Variants in POTEI observed in about 807,000 individuals in gnomAD.
POTEI encodes POTE ankyrin domain family member I, also known as POTE ankyrin domain family, member I.
Under a neutral mutation model 43.4 loss-of-function variants are expected in POTEI, and 14 were observed. The ratio of observed to expected loss-of-function variants is 0.32; its 90% confidence interval spans 0.21 to 0.50. POTEI has a LOEUF of 0.50. Ranked by LOEUF, POTEI falls within the 20% of genes least tolerant of loss-of-function variation. POTEI has a pLI of 0.98. For synonymous variants in POTEI, 95 were observed against 297.9 expected (o/e 0.32, Z 7.01); for missense variants, 235 against 795.4 (o/e 0.30, Z 8.47).
At chr2:130,468,696 A>C (rs1186056701) in intron 13 of POTEI, among the ~76,000 whole-genome samples, 1 of 118,110 alleles carries the variant, frequency 8.5e-6, no homozygotes, top group Admixed American at 7.8e-5. Context: ...ACACAAAGCC[A>C]AACTATTGGG....
intron 10 of POTEI, among the ~76,000 whole-genome samples, chr2:130,478,618 C>A (rs981021767): frequency 2.3e-5 from 3 of 131,794 alleles, no homozygotes; most frequent in Non-Finnish European, 4.6e-5. Flanking sequence ...GACATGAAGC[C>A]AAGCAGGGCA....
rs1682629112 is a variant in POTEI, at chr2:130,461,367, G to T, written c.*1449C>A. The T allele has an allele frequency of 6.6e-6, 1 of 152,004 alleles. No individual in the cohort carries two copies. Among genetic ancestry groups the T allele is most frequent in the African/African-American group, 2.4e-5 (1 of 41,294 alleles). 9.4% of individuals were successfully genotyped at this position (152,004 alleles called of 1,614,324 possible). A position where few individuals can be genotyped will look rare whatever the true frequency, so the allele number is the denominator to read the frequency against. On this transcript the variant is annotated 3_prime_UTR_variant, in exon 15 of 15. Coordinates refer to ENST00000451531, the MANE Select transcript of POTEI (RefSeq NM_001277406.2). ...TCAGGGAGGCCTGAGACCTCTGTCG[G>T]CCAGAGAACAGCAGTCAAGGTAGCC...
chr2:130,477,928 C>T (rs1397950571), intron 10 of POTEI, among the ~76,000 whole-genome samples: 1 of 119,200 alleles, frequency 8.4e-6, no homozygotes, highest in Non-Finnish European at 1.7e-5. Context: ...TAGGGCATTG[C>T]CAGCAGCTCA....
chr2:130,486,890 C>T (rs1342801373), intron 9 of POTEI, among the ~76,000 whole-genome samples: 1 of 127,120 alleles, frequency 7.9e-6, no homozygotes, highest in Non-Finnish European at 1.7e-5. Context: ...AAAAGTTTTA[C>T]CCAATATACT....
At position 130,460,348 on chromosome 2, in the gene POTEI, C is replaced by CT. The variant is rs1484009353; in HGVS notation, c.*2467dup. On this transcript the variant is annotated 3_prime_UTR_variant, in exon 15 of 15. Transcript: ENST00000451531. Reference sequence around the variant, plus strand: ...GCTCTACACAAACGTGGCTAGACTTCTTTTATTAAGCAAGTCTCCTTTTTT... The same window carrying CT: ...GCTCTACACAAACGTGGCTAGACTTCTTTTTATTAAGCAAGTCTCCTTTTTT... The CT allele has an allele frequency of 6.6e-6, 1 of 152,054 alleles. No individual in the cohort carries two copies. Among genetic ancestry groups the CT allele is most frequent in the African/African-American group, 2.4e-5 (1 of 41,342 alleles). The allele number at this position is 152,054 out of a possible 1,614,324, so 9.4% of individuals were successfully genotyped here. A position where few individuals can be genotyped will look rare whatever the true frequency, so the allele number is the denominator to read the frequency against.
intron 6 of POTEI, among the ~76,000 whole-genome samples, chr2:130,492,945 C>G (rs1454249202): frequency 1.3e-5 from 2 of 151,650 alleles, no homozygotes; most frequent in Non-Finnish European, 2.9e-5. Context: ...CTGGTACTCA[C>G]TCTCAAGTTT....
chr2:130,507,310 AT>A, intron 1 of POTEI, among the ~76,000 whole-genome samples: 1 of 8,466 alleles, frequency 1.2e-4, no homozygotes, highest in South Asian at 0.025. Flanking sequence ...ATATATATAT[AT>A]ATATATACAC....
intron 13 of POTEI, 40 bp downstream of exon 13, chr2:130,474,337 AG>A: frequency 2.0e-6 from 1 of 492,180 alleles, no homozygotes; most frequent in Non-Finnish European, 3.5e-6. Context: ...TTAGTTTGAC[AG>A]CACAAAGTTA....
intron 14 of POTEI, among the ~76,000 whole-genome samples, chr2:130,464,447 A>T (rs1682773770): frequency 9.5e-6 from 1 of 105,016 alleles, no homozygotes; most frequent in Non-Finnish European, 2.0e-5. Context: ...TAAGAATCCC[A>T]GAATTAAAAA....
At chr2:130,507,414 A>G (rs1180760583) in intron 1 of POTEI, among the ~76,000 whole-genome samples, 17 of 1,408 alleles carry the variant, frequency 0.012, no homozygotes, top group Admixed American at 0.065. Context: ...GTGTATATAT[A>G]TGTATATATA....
At chr2:130,477,386 G>C (rs1360518394) in intron 10 of POTEI, among the ~76,000 whole-genome samples, 5 of 148,338 alleles carry the variant, frequency 3.4e-5, no homozygotes, top group Non-Finnish European at 5.9e-5. Context: ...TCCTGACCTC[G>C]TGATCCCCTC....
rs1684277593 is a variant in POTEI, at chr2:130,509,320, GT to G, written c.-86del. ...TTCACCAACTAGCAGGTAACTCCGG[GT>G]TTCCAATCTGTTTGAAGAGAAAAGT... On this transcript the variant is annotated 5_prime_UTR_variant, in exon 1 of 15. Transcript: ENST00000451531. The G allele has an allele frequency of 3.2e-6, 2 of 626,468 alleles. No individual in the cohort carries two copies. The highest frequency in any genetic ancestry group is 6.2e-5 in the African/African-American group (2 of 32,236). The allele number at this position is 626,468 out of a possible 1,614,324, so 38.8% of individuals were successfully genotyped here.
At chr2:130,485,128 G>A (rs1683553096) in intron 9 of POTEI, among the ~76,000 whole-genome samples, 2 of 151,894 alleles carry the variant, frequency 1.3e-5, no homozygotes, top group African/African-American at 4.8e-5. Context: ...CAAGTAGGCA[G>A]GCTGATATAG....
Position 130,508,959 on chromosome 2 carries a change from TC to T in POTEI, c.276del (p.Thr93ArgfsTer65). The T allele has an allele frequency of 1.3e-6, 2 of 1,588,260 alleles. No individual in the cohort carries two copies. The highest frequency in any genetic ancestry group is 1.7e-6 in the Non-Finnish European group (2 of 1,169,942). On this transcript the variant is annotated frameshift_variant, in exon 1 of 15. Coordinates refer to ENST00000451531, the MANE Select transcript of POTEI (RefSeq NM_001277406.2). LOFTEE classifies it high-confidence loss of function. ...CACTTGCCCATCTTGCTCCTGAGCG[TC>T]TTCATAGCGGAGTCGTCGTGGTCTC... ...TSGDHDDSAMKTLRSKMGKWC... is the reference protein window; with the variant it reads ...TSGDHDDSAMXTLRSKMGKWC...
chr2:130,507,384 A>ATATATGTATATATG (rs1684213101), intron 1 of POTEI, among the ~76,000 whole-genome samples: 1 of 1,572 alleles, frequency 6.4e-4, no homozygotes, highest in African/African-American at 7.6e-4. Flanking sequence ...ATATATACAT[A>ATATATGTATATATG]TGTATATATA....
intron 14 of POTEI, among the ~76,000 whole-genome samples, chr2:130,464,940 C>T (rs1483482685): frequency 1.1e-4 from 17 of 151,184 alleles, no homozygotes; most frequent in African/African-American, 3.4e-4. Flanking sequence ...CAAAAGAAAC[C>T]TTTTGTTTCA....
chr2:130,480,387 C>T (rs1393107907), intron 10 of POTEI, among the ~76,000 whole-genome samples: 1 of 150,806 alleles, frequency 6.6e-6, no homozygotes, highest in African/African-American at 2.4e-5. Context: ...GTATCTCACA[C>T]TTTTGGTAAT....
chr2:130,492,994 T>C (rs1450763560), intron 6 of POTEI, among the ~76,000 whole-genome samples: 1 of 149,764 alleles, frequency 6.7e-6, no homozygotes, highest in Non-Finnish European at 1.5e-5. Context: ...ACTCTTTCTC[T>C]TTTTTCATTT....
intron 13 of POTEI, among the ~76,000 whole-genome samples, chr2:130,468,733 A>T (rs1375840211): frequency 6.6e-6 from 1 of 152,126 alleles, no homozygotes. Flanking sequence ...TTTTTAAAAT[A>T]TCTAAATGTC....
Sources: allele counts gnomAD v4.1 joint callset (sites outside exome capture counted in the v4.1 genomes callset), GRCh38; gene constraint gnomAD v4.1.1; transcripts MANE v1.5; gene names NCBI Gene and HGNC (gene_info 2026-07-23, HGNC 2026-07-21).